Variants in HDAC11 observed in about 807,000 individuals in gnomAD.
The protein encoded by HDAC11 is histone deacetylase 11.
HDAC11 carries 23 observed loss-of-function variants against 41.1 expected under a neutral mutation model. That is an observed-to-expected ratio of 0.56 (90% CI 0.40 to 0.79). HDAC11 has a LOEUF of 0.79. Ranked by LOEUF, HDAC11 falls within the 30% of genes least tolerant of loss-of-function variation. The pLI is 0.00. For missense variants in HDAC11, 402 were observed against 477.3 expected, an observed-to-expected ratio of 0.84 and a Z score of 1.47; for synonymous variants, 187 against 186.6, an observed-to-expected ratio of 1.00 and a Z score of -0.02.
chr3:13,491,363 T>C (rs1312534060), intron 3 of HDAC11, among the ~76,000 whole-genome samples: 1 of 152,070 alleles, frequency 6.6e-6, no homozygotes, highest in East Asian at 1.9e-4. Context: ...CCTTTTATCA[T>C]GTTGAGGGAG....
Position 13,494,456 on chromosome 3 carries a change from G to C in HDAC11, c.253-2280G>C, listed in dbSNP as rs75277194. Reference sequence around the variant, plus strand: ...CATACACACACGCACACACGCACACGGACATACCTGTGCACACATGTATAC... The same window carrying C: ...CATACACACACGCACACACGCACACCGACATACCTGTGCACACATGTATAC... On this transcript the variant is annotated intron_variant, in intron 3 of 9. Coordinates refer to ENST00000295757, the MANE Select transcript of HDAC11 (RefSeq NM_024827.4). 9.9e-4 allele frequency among the ~76,000 whole-genome samples: 151 copies of C among 152,294 alleles called. 3 individuals are homozygous for C. In the East Asian group the frequency reaches 0.029, roughly 29 times the overall value.
intron 3 of HDAC11, chr3:13,496,511 GA>G (rs1702101504): frequency 2.2e-6 from 1 of 444,772 alleles, no homozygotes; most frequent in Non-Finnish European, 4.0e-6. Context: ...CTAGCTTTAA[GA>G]AATGCATTGT....
At chr3:13,494,335 C>T (rs1230787643) in intron 3 of HDAC11, among the ~76,000 whole-genome samples, 1 of 152,242 alleles carries the variant, frequency 6.6e-6, no homozygotes, top group South Asian at 2.1e-4. Context: ...GCCAGCCACA[C>T]GCGGGGCCTC....
chr3:13,499,426 G>A lies in HDAC11; in HGVS notation c.412+871G>A, dbSNP rs577908353. On this transcript the variant is annotated intron_variant, in intron 5 of 9. Coordinates refer to ENST00000295757, the MANE Select transcript of HDAC11 (RefSeq NM_024827.4). The stretch of plus-strand genomic sequence containing the variant: ...CTCAGGTGATACGCCCACCTCGCTC[G>A]GCCTCCCAAAGTGCTAAGATTACAG... 9.2e-5 allele frequency among the ~76,000 whole-genome samples: 14 copies of A among 152,178 alleles called. No individual in the cohort carries two copies. The East Asian group carries it at 2.7e-3, about 29-fold the overall frequency.
Position 13,496,520 on chromosome 3 carries a change from T to C in HDAC11, c.253-216T>C, listed in dbSNP as rs529320358. ...GGCCAACTAGCTTTAAGAAATGCAT[T>C]GTGTAAACTGCTCTTTACTGAGCCC... On this transcript the variant is annotated intron_variant, in intron 3 of 9. Coordinates refer to ENST00000295757, the MANE Select transcript of HDAC11 (RefSeq NM_024827.4). 6.5e-6 allele frequency: 3 copies of C among 460,724 alleles called. No homozygotes were observed. In the Admixed American group the frequency reaches 1.3e-4, roughly 21 times the overall value. 28.5% of individuals were successfully genotyped at this position (460,724 alleles called of 1,614,324 possible).
chr3:13,501,326 G>C (rs1015835152), intron 6 of HDAC11, among the ~76,000 whole-genome samples: 1 of 152,182 alleles, frequency 6.6e-6, no homozygotes, highest in African/African-American at 2.4e-5. Flanking sequence ...CCTTGTGCTG[G>C]GCATCAGGAA....
intron 5 of HDAC11, among the ~76,000 whole-genome samples, chr3:13,500,085 G>A (rs1236644596): frequency 6.6e-6 from 1 of 152,152 alleles, no homozygotes; most frequent in Non-Finnish European, 1.5e-5. Context: ...AGCCTCCTGG[G>A]GGGTGGGAGA....
intron 5 of HDAC11, 31 bp downstream of exon 5, chr3:13,498,586 C>T (rs1475424089): frequency 5.0e-6 from 8 of 1,607,218 alleles, no homozygotes; most frequent in East Asian, 2.2e-5. Flanking sequence ...CGGGAATGTC[C>T]AGCCCGGCTT....
chr3:13,500,274 T>C (rs544246330), intron 5 of HDAC11, among the ~76,000 whole-genome samples: 1 of 152,018 alleles, frequency 6.6e-6, no homozygotes, highest in East Asian at 1.9e-4. Flanking sequence ...GATCCCGGGC[T>C]CTAGGGCCCT....
At chr3:13,503,955 C>T (rs993731277) in intron 8 of HDAC11, 139 bp from the exon 9 acceptor site, 1 of 753,174 alleles carries the variant, frequency 1.3e-6, no homozygotes, top group Non-Finnish European at 2.2e-6. Flanking sequence ...GCTCTTTTCA[C>T]CTTAGTTTTG....
chr3:13,495,322 A>G (rs1043105482), intron 3 of HDAC11, among the ~76,000 whole-genome samples: 22 of 151,902 alleles, frequency 1.4e-4, no homozygotes, highest in African/African-American at 4.8e-4. Flanking sequence ...TCTGAGCTCC[A>G]GTCTCACTTA....
Position 13,504,721 on chromosome 3 carries a change from C to A in HDAC11, c.*38C>A. The A allele has an allele frequency of 6.4e-7, 1 of 1,562,610 alleles. No homozygotes were observed. The highest frequency in any genetic ancestry group is 1.3e-5 in the African/African-American group (1 of 74,144). ...TGCCTGTCACGTGGCCCTGCCTATCCGCCCCTTAGTGCTTTTTGTTTTCTA... is the reference window on the plus strand; with the variant it reads ...TGCCTGTCACGTGGCCCTGCCTATCAGCCCCTTAGTGCTTTTTGTTTTCTA... On this transcript the variant is annotated 3_prime_UTR_variant, in exon 10 of 10. Transcript: ENST00000295757.
chr3:13,495,505 A>G (rs911569875), intron 3 of HDAC11, among the ~76,000 whole-genome samples: 2 of 152,082 alleles, frequency 1.3e-5, no homozygotes, highest in African/African-American at 4.8e-5. Flanking sequence ...CTGCCTGCTA[A>G]TACCTGCTCC....
At chr3:13,483,196 C>T (rs1701402894) in intron 2 of HDAC11, among the ~76,000 whole-genome samples, 1 of 152,138 alleles carries the variant, frequency 6.6e-6, no homozygotes, top group Non-Finnish European at 1.5e-5. Flanking sequence ...TCTAGCACAC[C>T]TGAGCTCTCC....
intron 6 of HDAC11, chr3:13,501,639 C>T (rs1232397923): frequency 1.8e-5 from 13 of 705,664 alleles, no homozygotes; most frequent in African/African-American, 3.5e-5. Context: ...GGGCACAGGA[C>T]ATGCCCCCTC....
At chr3:13,482,883 C>T (rs568051081) in intron 2 of HDAC11, among the ~76,000 whole-genome samples, 1 of 152,262 alleles carries the variant, frequency 6.6e-6, no homozygotes, top group African/African-American at 2.4e-5. Context: ...ATTGCCACCT[C>T]AACCTCCCTG....
At chr3:13,481,204 G>A (rs760882084) in intron 1 of HDAC11, 42 bp from the exon 2 acceptor site, 3 of 1,591,468 alleles carry the variant, frequency 1.9e-6, no homozygotes, top group Middle Eastern at 2.3e-4. Context: ...GCTTTCTGCC[G>A]AGGCTGCCCC....
At chr3:13,483,592 C>T (rs764505366) in intron 3 of HDAC11, 28 bp downstream of exon 3, 28 of 1,092,620 alleles carry the variant, frequency 2.6e-5, no homozygotes, top group East Asian at 5.9e-5. Context: ...TGGGGGGCTG[C>T]GGGCCTGGGG....
Position 13,480,811 on chromosome 3 carries a change from C to A in HDAC11, c.3-435C>A. The A allele has an allele frequency of 2.4e-6, 1 of 415,546 alleles. No homozygotes were observed. Among genetic ancestry groups the A allele is most frequent in the Non-Finnish European group, 5.0e-6 (1 of 199,876 alleles). 25.7% of individuals were successfully genotyped at this position (415,546 alleles called of 1,614,324 possible). On this transcript the variant is annotated intron_variant, in intron 1 of 9. Transcript: ENST00000295757. This position sits in a 1 kb window ranked among gnomAD's most constrained non-coding sequence, Gnocchi z 4.6. The stretch of plus-strand genomic sequence containing the variant: ...CTTGGGTTTCTGAGTGCTTACTGTG[C>A]TCAGCTCCTCAGTTGCATTCTCTGA...
Sources: allele counts gnomAD v4.1 joint callset (sites outside exome capture counted in the v4.1 genomes callset), GRCh38; gene constraint gnomAD v4.1.1; non-coding constraint Gnocchi (gnomAD v3.1); transcripts MANE v1.5; gene names NCBI Gene and HGNC (gene_info 2026-07-23, HGNC 2026-07-21).